The following SLN variants were observed in gnomAD, a reference collection of about 807,000 sequenced individuals.
The protein encoded by SLN is sarcolipin.
For missense variants in SLN, 34 were observed against 37.4 expected, an observed-to-expected ratio of 0.91 and a Z score of 0.24; for synonymous variants, 19 against 14.4, an observed-to-expected ratio of 1.32 and a Z score of -0.72.
In SLN at chr11:107,707,907, C is replaced by T; in HGVS notation, c.24G>A (p.Leu8=). 6.2e-7 allele frequency: 1 copy of T among 1,613,958 alleles called. No homozygotes were observed. The highest frequency in any genetic ancestry group is 1.7e-5 in the Admixed American group (1 of 59,974). ...TCAAGACAATAGTGAAGTTGAGAAA[C>T]AGCTCCCGGGTGTTTATCCCCATTT... MGINTRE[L]FLNFTIVLIT... is the part of the protein sequence containing the mutation. Residue 8 remains leucine, a synonymous_variant, in exon 2 of 2, where the codon CTG becomes CTA. Coordinates refer to ENST00000305991, the MANE Select transcript of SLN (RefSeq NM_003063.3).
chr11:107,710,888 A>G (rs1867204078), intron 1 of SLN, among the ~76,000 whole-genome samples: 2 of 152,262 alleles, frequency 1.3e-5, no homozygotes, highest in South Asian at 4.1e-4. Flanking sequence ...TTTGAATTTC[A>G]TAAAGCAAAG....
At chr11:107,708,705 C>G (rs1391426801) in intron 1 of SLN, among the ~76,000 whole-genome samples, 2 of 152,210 alleles carry the variant, frequency 1.3e-5, no homozygotes, top group East Asian at 3.9e-4. Context: ...TTACATTTTT[C>G]TTTCTCCAAC....
At chr11:107,708,046 G>A (rs1257614481) in intron 1 of SLN, 41 bp from the exon 2 acceptor site, 4 of 740,268 alleles carry the variant, frequency 5.4e-6, no homozygotes, top group African/African-American at 5.2e-5. Flanking sequence ...AGATTAATGG[G>A]CATTCCTGTA....
intron 1 of SLN, among the ~76,000 whole-genome samples, chr11:107,710,707 C>T (rs570684435): frequency 1.3e-5 from 2 of 152,288 alleles, no homozygotes; most frequent in South Asian, 4.1e-4. Context: ...TGAAAATGTT[C>T]ATTCTCTAAT....
intron 1 of SLN, among the ~76,000 whole-genome samples, chr11:107,711,446 T>C (rs1233881855): frequency 6.6e-6 from 1 of 152,222 alleles, no homozygotes; most frequent in Non-Finnish European, 1.5e-5. Flanking sequence ...CTGTAAGGTG[T>C]GGTGTGAACA....
chr11:107,708,125 T>C (rs1475744296), intron 1 of SLN, 120 bp from the exon 2 acceptor site: 2 of 590,152 alleles, frequency 3.4e-6, no homozygotes, highest in South Asian at 4.1e-5. Flanking sequence ...ATGGGCTAAA[T>C]TGTGTCCCCC....
intron 1 of SLN, among the ~76,000 whole-genome samples, chr11:107,710,845 A>C (rs1867203801): frequency 6.6e-6 from 1 of 152,232 alleles, no homozygotes; most frequent in African/African-American, 2.4e-5. Context: ...TATCAACAGC[A>C]GAATGGATGA....
chr11:107,708,787 C>G (rs1376527219), intron 1 of SLN, among the ~76,000 whole-genome samples: 1 of 151,904 alleles, frequency 6.6e-6, no homozygotes, highest in Non-Finnish European at 1.5e-5. Flanking sequence ...GCAGGGGTAC[C>G]AAAACAAAAA....
Position 107,708,015 on chromosome 11 carries a change from C to A in SLN, c.-75-10G>T. The A allele has an allele frequency of 1.1e-6, 1 of 876,058 alleles. No individual in the cohort carries two copies. Among genetic ancestry groups the A allele is most frequent in the East Asian group, 2.4e-5 (1 of 41,500 alleles). The allele number at this position is 876,058 out of a possible 1,614,324, so 54.3% of individuals were successfully genotyped here. On this transcript the variant is annotated splice_polypyrimidine_tract_variant and intron_variant, in intron 1 of 1. Coordinates refer to ENST00000305991, the MANE Select transcript of SLN (RefSeq NM_003063.3). ...GGCTTCTCCTCACCTCCTGATAAAA[C>A]ATAACAAAGAAAACACAAGGAGATT...
chr11:107,710,516 T>C (rs1042120631), intron 1 of SLN, among the ~76,000 whole-genome samples: 2 of 152,234 alleles, frequency 1.3e-5, no homozygotes, highest in African/African-American at 4.8e-5. Context: ...AAGATGTTTG[T>C]GTAATGACAG....
chr11:107,709,393 G>T lies in SLN; in HGVS notation c.-75-1388C>A, dbSNP rs1029079638. ...GGTGAGAGTTCAAGAGGCTGAAAGG[G>T]TTGTTAGCAAGCTTTTGGTCTGAGT... On this transcript the variant is annotated intron_variant, in intron 1 of 1. Coordinates refer to ENST00000305991, the MANE Select transcript of SLN (RefSeq NM_003063.3). 4.6e-5 allele frequency among the ~76,000 whole-genome samples: 7 copies of T among 152,286 alleles called. No homozygotes were observed. The East Asian group carries it at 1.3e-3, about 29-fold the overall frequency.
intron 1 of SLN, among the ~76,000 whole-genome samples, chr11:107,710,985 G>C (rs1162064315): frequency 1.3e-5 from 2 of 152,154 alleles, no homozygotes; most frequent in East Asian, 3.8e-4. Flanking sequence ...AAAAGAAACA[G>C]AGAATATGAC....
At chr11:107,710,641 T>G (rs1867201912) in intron 1 of SLN, among the ~76,000 whole-genome samples, 1 of 152,242 alleles carries the variant, frequency 6.6e-6, no homozygotes, top group Non-Finnish European at 1.5e-5. Context: ...CTAAACAAAG[T>G]TAGCATAAAT....
At chr11:107,711,726 C>T (rs747247520) in intron 1 of SLN, among the ~76,000 whole-genome samples, 15 of 151,720 alleles carry the variant, frequency 9.9e-5, no homozygotes, top group Non-Finnish European at 1.9e-4. Context: ...AGACCATCTT[C>T]CATAATACAA....
At position 107,707,812 on chromosome 11, in the gene SLN, T is replaced by A; in HGVS notation, c.*23A>T. ...GGCAGCTCCGGAGCATCTCAGTCAATCCCAGGACCATGGCATGGCCTCTCA... is the reference window on the plus strand; with the variant it reads ...GGCAGCTCCGGAGCATCTCAGTCAAACCCAGGACCATGGCATGGCCTCTCA... On this transcript the variant is annotated 3_prime_UTR_variant, in exon 2 of 2. Transcript: ENST00000305991. The A allele has an allele frequency of 6.4e-7, 1 of 1,573,620 alleles. No individual in the cohort carries two copies. Among genetic ancestry groups the A allele is most frequent in the Non-Finnish European group, 8.7e-7 (1 of 1,143,950 alleles).
intron 1 of SLN, among the ~76,000 whole-genome samples, chr11:107,708,302 A>T (rs1314244061): frequency 6.6e-6 from 1 of 152,096 alleles, no homozygotes; most frequent in South Asian, 2.1e-4. Flanking sequence ...AGACACATGC[A>T]GAGGGGAAGA....
chr11:107,711,783 C>A (rs1867213541), intron 1 of SLN, among the ~76,000 whole-genome samples, 180 bp downstream of exon 1: 1 of 151,442 alleles, frequency 6.6e-6, no homozygotes, highest in South Asian at 2.1e-4. Flanking sequence ...AAATGCATAC[C>A]CTTAGGAGAA....
At chr11:107,710,349 T>C (rs1027642258) in intron 1 of SLN, among the ~76,000 whole-genome samples, 1 of 152,212 alleles carries the variant, frequency 6.6e-6, no homozygotes. Flanking sequence ...TGGATAGTGA[T>C]CCAACAGGAT....
intron 1 of SLN, among the ~76,000 whole-genome samples, chr11:107,708,263 A>C (rs1251430266): frequency 6.6e-6 from 1 of 152,094 alleles, no homozygotes; most frequent in Non-Finnish European, 1.5e-5. Flanking sequence ...CAATATGACT[A>C]GTGTCTTTAT....
Sources: allele counts gnomAD v4.1 joint callset (sites outside exome capture counted in the v4.1 genomes callset), GRCh38; gene constraint gnomAD v4.1.1; transcripts MANE v1.5; gene names NCBI Gene and HGNC (gene_info 2026-07-23, HGNC 2026-07-21).